The following MGAT5 variants were observed in gnomAD, a reference collection of about 807,000 sequenced individuals.
MGAT5 encodes the protein alpha-1,6-mannosylglycoprotein 6-beta-N-acetylglucosaminyltransferase A.
Under a neutral mutation model 94.3 loss-of-function variants are expected in MGAT5, and 30 were observed. The ratio of observed to expected loss-of-function variants is 0.32; its 90% CI spans 0.24 to 0.43. The LOEUF (loss-of-function observed/expected upper bound fraction) is 0.43. MGAT5 is among the 20% of genes least tolerant of loss of function. The pLI, the probability that MGAT5 is intolerant of heterozygous loss-of-function variation, is 1.00. For missense variants in MGAT5, 691 were observed against 905.5 expected (o/e 0.76, Z 3.04); for synonymous variants, 310 against 322.9 (o/e 0.96, Z 0.43).
rs1414363665 is a variant in MGAT5, at chr2:134,151,160, C to T, written c.-143+30869C>T. Among the ~76,000 whole-genome samples the T allele has an allele frequency of 1.4e-4, 21 of 147,548 alleles. 1 individual carries two copies. The highest frequency in any genetic ancestry group is 3.1e-4 in the Non-Finnish European group (21 of 66,722). ...CACCGCCATGGGACCTCACTCACGCCCTGTGGGACCCACTCACTGCCATGG... is the reference window on the plus strand; with the variant it reads ...CACCGCCATGGGACCTCACTCACGCTCTGTGGGACCCACTCACTGCCATGG... On this transcript the variant is annotated intron_variant, in intron 1 of 16. Coordinates refer to the MGAT5 transcript ENST00000409645.
At chr2:134,372,101 G>A (rs1013622340) in intron 10 of MGAT5, among the ~76,000 whole-genome samples, 5 of 152,142 alleles carry the variant, frequency 3.3e-5, no homozygotes, top group Non-Finnish European at 5.9e-5. Flanking sequence ...AAACAGGCAG[G>A]CTTGGGAAAT....
At chr2:134,448,396 A>G (rs1197190633) in intron 15 of MGAT5, among the ~76,000 whole-genome samples, 1 of 152,178 alleles carries the variant, frequency 6.6e-6, no homozygotes, top group Non-Finnish European at 1.5e-5. Flanking sequence ...TCTCCATTGC[A>G]GACAAAGCTT....
At chr2:134,254,734 T>A in intron 1 of MGAT5, 90 bp downstream of exon 1, 1 of 1,512,556 alleles carries the variant, frequency 6.6e-7, no homozygotes, top group Non-Finnish European at 9.0e-7. Context: ...TGTCATGGAC[T>A]GAATGTCCTT....
At position 134,325,580 on chromosome 2, in the gene MGAT5, A is replaced by G. The variant is rs150878761; in HGVS notation, c.573+6841A>G. On this transcript the variant is annotated intron_variant, in intron 4 of 15. Transcript: ENST00000281923. Reference sequence around the variant, plus strand: ...TATCTCTAAAAGAGACTTTTAAAACATACTGTACAACTATTCTCATTATAA... The same window carrying G: ...TATCTCTAAAAGAGACTTTTAAAACGTACTGTACAACTATTCTCATTATAA... Among the ~76,000 whole-genome samples, 4 of 152,284 alleles carry G rather than the reference A, an allele frequency of 2.6e-5. No homozygotes were observed. The East Asian group carries it at 5.8e-4, about 22-fold the overall frequency.
At chr2:134,321,423 C>T (rs1687312255) in intron 4 of MGAT5, among the ~76,000 whole-genome samples, 1 of 152,074 alleles carries the variant, frequency 6.6e-6, no homozygotes, top group Non-Finnish European at 1.5e-5. Context: ...GAGAGTGATC[C>T]AAATGGAAGA....
chr2:134,320,601 T>C (rs1437055040), intron 4 of MGAT5, among the ~76,000 whole-genome samples: 1 of 152,158 alleles, frequency 6.6e-6, no homozygotes, highest in African/African-American at 2.4e-5. Context: ...CTGCCCTTTC[T>C]TTTTATTCTG....
intron 1 of MGAT5, among the ~76,000 whole-genome samples, chr2:134,147,872 A>G (rs1472884280): frequency 6.6e-6 from 1 of 152,220 alleles, no homozygotes; most frequent in African/African-American, 2.4e-5. Flanking sequence ...TTCCATTGTG[A>G]ATATAGGGAA....
In MGAT5 at chr2:134,263,003, G is replaced by A. The variant is rs145327685; in HGVS notation, c.242-7383G>A. The stretch of plus-strand genomic sequence containing the variant: ...CTTCTGTGGGCTGTAAGATAAGCTG[G>A]GTATGGCCAAGTTCACCTTTGGATC... On this transcript the variant is annotated intron_variant, in intron 1 of 15. Transcript: ENST00000281923. Among the ~76,000 whole-genome samples the A allele has an allele frequency of 3.9e-3, 589 of 152,242 alleles. 7 individuals are homozygous for A. The highest frequency in any genetic ancestry group is 0.014 in the African/African-American group (564 of 41,544).
At chr2:134,163,304 C>T (rs999388895) in intron 1 of MGAT5, among the ~76,000 whole-genome samples, 2 of 152,096 alleles carry the variant, frequency 1.3e-5, no homozygotes, top group South Asian at 2.1e-4. Flanking sequence ...GATGTTGGTA[C>T]CTAAGACGCC....
chr2:134,237,085 G>T (rs1480721575), intron 1 of MGAT5, among the ~76,000 whole-genome samples: 1 of 151,412 alleles, frequency 6.6e-6, no homozygotes, highest in Non-Finnish European at 1.5e-5. Context: ...TTGCAAGTTT[G>T]AGGTAGGTAG....
At chr2:134,242,810 A>G (rs1197983028) in intron 1 of MGAT5, among the ~76,000 whole-genome samples, 3 of 152,180 alleles carry the variant, frequency 2.0e-5, no homozygotes, top group African/African-American at 7.2e-5. Flanking sequence ...TTGGAGCCAA[A>G]TGCCCAGGAG....
intron 12 of MGAT5, among the ~76,000 whole-genome samples, chr2:134,416,444 T>C (rs1305201194): frequency 6.6e-6 from 1 of 151,100 alleles, no homozygotes; most frequent in African/African-American, 2.4e-5. Context: ...TTTGTTCATG[T>C]TGTAGCCTGT....
At chr2:134,379,523 C>T (rs929763927) in intron 10 of MGAT5, among the ~76,000 whole-genome samples, 22 of 152,172 alleles carry the variant, frequency 1.4e-4, no homozygotes, top group African/African-American at 5.3e-4. Flanking sequence ...TAGGCAGGCA[C>T]ACCAGCAGAT....
At chr2:134,427,850 A>C (rs371489860) in intron 13 of MGAT5, among the ~76,000 whole-genome samples, 1 of 152,216 alleles carries the variant, frequency 6.6e-6, no homozygotes, top group East Asian at 1.9e-4. Context: ...ATACAGACCA[A>C]ATACAGGTCA....
At chr2:134,346,910 A>T (rs1208692811) in intron 8 of MGAT5, among the ~76,000 whole-genome samples, 1 of 152,162 alleles carries the variant, frequency 6.6e-6, no homozygotes, top group Non-Finnish European at 1.5e-5. Flanking sequence ...AAATTAGGGC[A>T]TGGCAAGGAG....
At chr2:134,365,738 A>G (rs141546225) in intron 10 of MGAT5, among the ~76,000 whole-genome samples, 1 of 152,084 alleles carries the variant, frequency 6.6e-6, no homozygotes, top group Non-Finnish European at 1.5e-5. Flanking sequence ...CCCAGATTAT[A>G]TATCCTTTCT....
chr2:134,283,633 G>A (rs1306899647), intron 2 of MGAT5, among the ~76,000 whole-genome samples: 1 of 144,600 alleles, frequency 6.9e-6, no homozygotes, highest in Non-Finnish European at 1.5e-5. Context: ...CCATTGTTGA[G>A]GAATGTAGTA....
At chr2:134,304,341 T>C (rs1021964527) in intron 2 of MGAT5, among the ~76,000 whole-genome samples, 1 of 152,180 alleles carries the variant, frequency 6.6e-6, no homozygotes, top group African/African-American at 2.4e-5. Context: ...GGGACTGCAC[T>C]TTATTCTGGA....
At chr2:134,424,391 T>C (rs1053022253) in intron 13 of MGAT5, among the ~76,000 whole-genome samples, 4 of 152,214 alleles carry the variant, frequency 2.6e-5, no homozygotes, top group African/African-American at 9.7e-5. Context: ...GGTCTGGTTA[T>C]GGGGCTTTAG....
Sources: gnomAD v4.1 joint callset for allele counts (sites outside exome capture counted in the v4.1 genomes callset) on GRCh38, gnomAD v4.1.1 for gene constraint, MANE v1.5 for transcripts, NCBI Gene and HGNC (gene_info 2026-07-23, HGNC 2026-07-21) for gene names.